ENTHD1: variants seen among roughly 807,000 people sequenced by gnomAD.
ENTHD1 encodes ENTH domain-containing protein 1.
A neutral mutation model predicts 39.1 loss-of-function variants in ENTHD1; 23 were observed. The observed-to-expected ratio is 0.59, with a 90% CI of 0.42 to 0.83. The LOEUF (loss-of-function observed/expected upper bound fraction) is 0.83, where lower values mean the gene tolerates loss of function less well. Ranked by LOEUF, ENTHD1 falls within the 40% of genes least tolerant of loss-of-function variation. ENTHD1 has a pLI of 0.00. For synonymous variants in ENTHD1, 230 were observed against 258.2 expected (o/e 0.89, Z 1.05); for missense variants, 624 against 705.4 (o/e 0.88, Z 1.31).
intron 6 of ENTHD1, among the ~76,000 whole-genome samples, chr22:39,744,837 G>A (rs1951421201): frequency 6.6e-6 from 1 of 151,992 alleles, no homozygotes; most frequent in Admixed American, 6.6e-5. Context: ...GAATACTTTA[G>A]CACACGTATA....
At chr22:39,824,162 T>A (rs1359329359) in intron 4 of ENTHD1, among the ~76,000 whole-genome samples, 1 of 150,604 alleles carries the variant, frequency 6.6e-6, no homozygotes, top group Non-Finnish European at 1.5e-5. Context: ...GTTTAATGTA[T>A]CATATTTTTC....
chr22:39,884,059 AAAAG>A (rs59138553), intron 2 of ENTHD1, among the ~76,000 whole-genome samples: 10,912 of 152,122 alleles, frequency 0.072, 1,308 homozygotes, highest in African/African-American at 0.25. Context: ...GATCTAAATA[AAAAG>A]AAAGACATCC....
At position 39,807,257 on chromosome 22, in the gene ENTHD1, A is replaced by G. The variant is rs1192255175; in HGVS notation, c.832+13736T>C. 3.3e-5 allele frequency among the ~76,000 whole-genome samples: 5 copies of G among 152,186 alleles called. No individual in the cohort carries two copies. The East Asian group carries it at 9.6e-4, about 29-fold the overall frequency. On this transcript the variant is annotated intron_variant, in intron 5 of 6. Transcript: ENST00000325157. Reference sequence around the variant, plus strand: ...TGGCTGTATCATGTCCTTGCTTAAAACACATCAAAGGCTCCCCATTGTTTT... The same window carrying G: ...TGGCTGTATCATGTCCTTGCTTAAAGCACATCAAAGGCTCCCCATTGTTTT...
At chr22:39,791,520 G>A (rs1364162246) in intron 5 of ENTHD1, among the ~76,000 whole-genome samples, 1 of 151,792 alleles carries the variant, frequency 6.6e-6, no homozygotes, top group African/African-American at 2.4e-5. Flanking sequence ...TCAGCCTCCT[G>A]AGTAGCTGGG....
intron 5 of ENTHD1, among the ~76,000 whole-genome samples, chr22:39,774,592 C>T (rs1299414224): frequency 6.6e-6 from 1 of 152,204 alleles, no homozygotes; most frequent in African/African-American, 2.4e-5. Flanking sequence ...GTCCACTCTA[C>T]ACAGCCCAGC....
intron 5 of ENTHD1, among the ~76,000 whole-genome samples, chr22:39,776,219 C>T (rs1285509343): frequency 6.6e-6 from 1 of 152,214 alleles, no homozygotes; most frequent in Non-Finnish European, 1.5e-5. Flanking sequence ...TGTTTGAACA[C>T]AAACATGTAA....
intron 4 of ENTHD1, among the ~76,000 whole-genome samples, chr22:39,822,702 A>G (rs2065792884): frequency 6.6e-6 from 1 of 152,284 alleles, no homozygotes; most frequent in African/African-American, 2.4e-5. Flanking sequence ...CTTTTTGTGG[A>G]CAAATGCATT....
intron 5 of ENTHD1, among the ~76,000 whole-genome samples, chr22:39,772,047 A>G (rs2065330287): frequency 6.6e-6 from 1 of 152,230 alleles, no homozygotes; most frequent in South Asian, 2.1e-4. Flanking sequence ...TATAGTTTAA[A>G]CGACTATAGC....
At chr22:39,856,113 A>T (rs977045073) in intron 3 of ENTHD1, among the ~76,000 whole-genome samples, 2 of 152,070 alleles carry the variant, frequency 1.3e-5, no homozygotes, top group Admixed American at 6.5e-5. Flanking sequence ...CGTCTCTACT[A>T]AAAATACAAA....
At chr22:39,747,510 A>T (rs1166607990) in intron 6 of ENTHD1, among the ~76,000 whole-genome samples, 3 of 152,288 alleles carry the variant, frequency 2.0e-5, no homozygotes, top group South Asian at 2.1e-4. Context: ...TTACATTAGA[A>T]TTATTTTTAC....
chr22:39,870,352 G>GCT lies in ENTHD1; in HGVS notation c.350-8346_350-8345insAG, dbSNP rs201644105. On this transcript the variant is annotated intron_variant, in intron 2 of 6. Coordinates refer to ENST00000325157, the MANE Select transcript of ENTHD1 (RefSeq NM_152512.4). ...AGGAATTCTCCCAAAATACAGCACA[G>GCT]AGAGGCAACAAGATTAAAAAGATTA... 3.3e-5 allele frequency among the ~76,000 whole-genome samples: 5 copies of GCT among 152,148 alleles called. No homozygotes were observed. The East Asian group carries it at 9.7e-4, about 29-fold the overall frequency.
intron 2 of ENTHD1, among the ~76,000 whole-genome samples, chr22:39,871,176 T>G (rs1601658459): frequency 1.2e-5 from 1 of 83,088 alleles, no homozygotes; most frequent in African/African-American, 8.9e-5. Flanking sequence ...TCTTCTAAAA[T>G]AAATAAATAA....
intron 5 of ENTHD1, among the ~76,000 whole-genome samples, chr22:39,796,578 T>C (rs147264287): frequency 4.1e-4 from 63 of 152,300 alleles, no homozygotes; most frequent in African/African-American, 1.5e-3. Flanking sequence ...GTATATTGTA[T>C]TTCTATTTTC....
chr22:39,892,897 A>C (rs1255731470), intron 1 of ENTHD1, among the ~76,000 whole-genome samples: 1 of 152,202 alleles, frequency 6.6e-6, no homozygotes, highest in African/African-American at 2.4e-5. Context: ...GATGAAAAGA[A>C]TACTGTCAGA....
intron 5 of ENTHD1, among the ~76,000 whole-genome samples, chr22:39,818,091 G>A (rs2065747617): frequency 6.6e-6 from 1 of 152,208 alleles, no homozygotes; most frequent in Non-Finnish European, 1.5e-5. Flanking sequence ...TGACTTCTGA[G>A]ATGATTCAAC....
At chr22:39,791,840 GT>G (rs974389459) in intron 5 of ENTHD1, among the ~76,000 whole-genome samples, 7 of 152,188 alleles carry the variant, frequency 4.6e-5, no homozygotes, top group African/African-American at 1.7e-4. Flanking sequence ...ACTATGCTCA[GT>G]TTTTTTGTTT....
At chr22:39,878,804 TAAA>T (rs1264062637) in intron 2 of ENTHD1, among the ~76,000 whole-genome samples, 2 of 152,066 alleles carry the variant, frequency 1.3e-5, no homozygotes, top group African/African-American at 4.8e-5. Context: ...TATTTATTAA[TAAA>T]ATAATAGCAA....
chr22:39,869,914 A>T (rs2066226046), intron 2 of ENTHD1, among the ~76,000 whole-genome samples: 2 of 151,982 alleles, frequency 1.3e-5, no homozygotes, highest in South Asian at 4.1e-4. Context: ...TTTTTTAAAA[A>T]AATTCAACAT....
chr22:39,878,844 A>G (rs1293652453), intron 2 of ENTHD1, among the ~76,000 whole-genome samples: 1 of 152,148 alleles, frequency 6.6e-6, no homozygotes, highest in African/African-American at 2.4e-5. Flanking sequence ...ACATGCTTAC[A>G]CATATGCTTA....
Sources: allele counts gnomAD v4.1 joint callset (sites outside exome capture counted in the v4.1 genomes callset), GRCh38; gene constraint gnomAD v4.1.1; transcripts MANE v1.5; gene names NCBI Gene and HGNC (gene_info 2026-07-23, HGNC 2026-07-21).